The following FOXP1 variants were observed in gnomAD, a reference collection of about 807,000 sequenced individuals.
FOXP1 encodes the protein forkhead box protein P1.
FOXP1 carries 15 observed loss-of-function variants against 98.2 expected under a neutral mutation model. The ratio of observed to expected loss-of-function variants is 0.15; its 90% CI spans 0.10 to 0.24. The LOEUF is 0.24. FOXP1 is among the 10% of genes least tolerant of loss of function. The pLI is 1.00. For synonymous variants in FOXP1, 371 were observed against 314.5 expected, an observed-to-expected ratio of 1.18 and a Z score of -1.90; for missense variants, 633 against 848.5, an observed-to-expected ratio of 0.75 and a Z score of 3.15.
intron 12 of FOXP1, among the ~76,000 whole-genome samples, chr3:71,003,638 G>A (rs757587262): frequency 3.9e-5 from 6 of 152,030 alleles, no homozygotes; most frequent in South Asian, 4.1e-4. Context: ...GTAGCTTGCC[G>A]GCAGACAACG....
At chr3:71,470,721 G>A (rs2106676914) in intron 3 of FOXP1, among the ~76,000 whole-genome samples, 1 of 152,228 alleles carries the variant, frequency 6.6e-6, no homozygotes, top group South Asian at 2.1e-4. Context: ...CTGGGCAACA[G>A]AGCAACACTT....
Position 71,412,952 on chromosome 3 carries a change from A to T in FOXP1, c.-167-53708T>A, listed in dbSNP as rs539922897. Among the ~76,000 whole-genome samples the T allele has an allele frequency of 6.2e-4, 95 of 152,294 alleles. No homozygotes were observed. The South Asian group carries it at 6.4e-3, about 10-fold the overall frequency. On this transcript the variant is annotated intron_variant, in intron 3 of 20. Coordinates refer to ENST00000649528, the MANE Select transcript of FOXP1 (RefSeq NM_001349338.3). ...GCCGCCTGTGCACATATGCAGTAAG[A>T]GTTTAAAAAAAGGAGGAATTTCAGT...
intron 5 of FOXP1, among the ~76,000 whole-genome samples, chr3:71,298,395 G>A (rs1035660227): frequency 2.6e-5 from 4 of 151,982 alleles, no homozygotes; most frequent in Admixed American, 2.6e-4. Context: ...AACCCGGGAG[G>A]CAGAGGTTGC....
intron 12 of FOXP1, among the ~76,000 whole-genome samples, chr3:71,013,587 T>C (rs577960055): frequency 2.0e-5 from 3 of 152,290 alleles, no homozygotes; most frequent in Non-Finnish European, 4.4e-5. Context: ...AGGTAATTTA[T>C]AGATTCAATG....
intron 7 of FOXP1, among the ~76,000 whole-genome samples, chr3:71,071,788 G>A (rs2107436376): frequency 6.6e-6 from 1 of 152,164 alleles, no homozygotes; most frequent in Non-Finnish European, 1.5e-5. Flanking sequence ...TGCCCAGACT[G>A]GTCTCAAACT....
At chr3:71,422,183 G>A (rs1266257430) in intron 3 of FOXP1, among the ~76,000 whole-genome samples, 4 of 152,200 alleles carry the variant, frequency 2.6e-5, no homozygotes, top group African/African-American at 9.7e-5. Flanking sequence ...CAACACGTAA[G>A]GAAGTTAGAA....
chr3:71,392,982 A>AT (rs746621526), intron 3 of FOXP1, among the ~76,000 whole-genome samples: 32 of 152,162 alleles, frequency 2.1e-4, no homozygotes, highest in Admixed American at 7.2e-4. Flanking sequence ...ATTCAAACTA[A>AT]TTTTTTTATT....
At position 71,041,443 on chromosome 3, in the gene FOXP1, A is replaced by G; in HGVS notation, c.754T>C (p.Leu252=). The G allele has an allele frequency of 1.2e-6, 2 of 1,613,950 alleles. No homozygotes were observed. Among genetic ancestry groups the G allele is most frequent in the East Asian group, 4.5e-5 (2 of 44,878 alleles). ...EETTGNNHSS[L]DLTTTCVSSS... The stretch of plus-strand genomic sequence containing the variant: ...GAGACACATGTCGTGGTCAGATCCA[A>G]ACTGCTGTGATTGTTGCCTGTGGTT... Residue 252 remains leucine (L), a synonymous_variant, in exon 11 of 21, where the codon TTG becomes CTG. Transcript: ENST00000649528.
Position 71,037,043 on chromosome 3 carries a change from T to C in FOXP1, c.869+4285A>G, listed in dbSNP as rs116653830. ...CCACTAACCACCAGTTCTATGACCC[T>C]GGGTTAGTTATTTAATTTCTATTAT... On this transcript the variant is annotated intron_variant, in intron 11 of 20. Transcript: ENST00000649528. Among the ~76,000 whole-genome samples, 765 of 152,300 alleles carry C rather than the reference T, an allele frequency of 5.0e-3. 9 individuals carry two copies. The highest frequency in any genetic ancestry group is 0.017 in the African/African-American group (710 of 41,570).
At chr3:70,961,045 C>T (rs1417846603) in intron 20 of FOXP1, among the ~76,000 whole-genome samples, 2 of 151,618 alleles carry the variant, frequency 1.3e-5, no homozygotes, top group African/African-American at 2.4e-5. Context: ...GAGGTTTCAC[C>T]GTGGTCTCGA....
intron 5 of FOXP1, among the ~76,000 whole-genome samples, chr3:71,256,007 GA>G (rs1309109832): frequency 1.3e-5 from 2 of 152,148 alleles, no homozygotes; most frequent in Admixed American, 6.5e-5. Context: ...ATTATTTGAT[GA>G]TGAGTTTTTA....
At chr3:71,462,601 G>A (rs1178202502) in intron 3 of FOXP1, among the ~76,000 whole-genome samples, 2 of 152,150 alleles carry the variant, frequency 1.3e-5, no homozygotes, top group Admixed American at 6.5e-5. Context: ...ATTTCACCAG[G>A]TGTCTTCAGC....
chr3:71,543,285 T>C (rs1376487086), intron 2 of FOXP1: 2 of 152,210 alleles, frequency 1.3e-5, no homozygotes, highest in African/African-American at 4.8e-5. Context: ...TAAAAAACCA[T>C]GACTGAATAA....
chr3:71,509,332 G>A (rs2042036181), intron 2 of FOXP1, among the ~76,000 whole-genome samples: 1 of 152,110 alleles, frequency 6.6e-6, no homozygotes, highest in African/African-American at 2.4e-5. Flanking sequence ...TTTCTCCTGA[G>A]GCCCCTCTTT....
At position 71,345,871 on chromosome 3, in the gene FOXP1, T is replaced by TAAAAAAAAAAAAAAAAAA. The variant is rs71120316; in HGVS notation, c.-73+13261_-73+13278dup. ...AGGTTTGAAATCAATAAAGTTTTTG[T>TAAAAAAAAAAAAAAAAAA]AAAAAAAAAAAAAAAAAAAAAAAAA... On this transcript the variant is annotated intron_variant, in intron 4 of 20. Coordinates refer to ENST00000649528, the MANE Select transcript of FOXP1 (RefSeq NM_001349338.3). 6.6e-3 allele frequency among the ~76,000 whole-genome samples: 363 copies of TAAAAAAAAAAAAAAAAAA among 55,074 alleles called. 43 individuals are homozygous for TAAAAAAAAAAAAAAAAAA. The highest frequency in any genetic ancestry group is 9.4e-3 in the Non-Finnish European group (278 of 29,636). The allele number at this position is 55,074 out of a possible 152,430, so 36.1% of individuals were successfully genotyped here.
At chr3:71,094,724 A>G (rs1020488954) in intron 7 of FOXP1, among the ~76,000 whole-genome samples, 2 of 152,200 alleles carry the variant, frequency 1.3e-5, no homozygotes, top group African/African-American at 4.8e-5. Context: ...ACAGTCCAGC[A>G]GTTCCAGAGG....
intron 6 of FOXP1, among the ~76,000 whole-genome samples, chr3:71,118,038 G>A (rs1399852009): frequency 2.0e-5 from 3 of 152,190 alleles, no homozygotes. Flanking sequence ...CTCTTCTGTG[G>A]ATTGACTAGT....
At chr3:71,123,287 T>C (rs2058917614) in intron 6 of FOXP1, among the ~76,000 whole-genome samples, 1 of 152,222 alleles carries the variant, frequency 6.6e-6, no homozygotes, top group South Asian at 2.1e-4. Context: ...ACTGTTGTGA[T>C]GGCAAACTCC....
intron 4 of FOXP1, among the ~76,000 whole-genome samples, chr3:71,351,303 G>A (rs1306607942): frequency 3.9e-5 from 6 of 152,042 alleles, no homozygotes; most frequent in African/African-American, 9.7e-5. Context: ...TCCCCTTTAT[G>A]ACTAAGCTGG....
Sources: gnomAD v4.1 joint callset for allele counts (sites outside exome capture counted in the v4.1 genomes callset) on GRCh38, gnomAD v4.1.1 for gene constraint, MANE v1.5 for transcripts, NCBI Gene and HGNC (gene_info 2026-07-23, HGNC 2026-07-21) for gene names.